Variants in ZNF608 observed in about 807,000 individuals in gnomAD.
ZNF608 encodes the protein renal carcinoma antigen NY-REN-36.
Under a neutral mutation model 109.0 loss-of-function variants are expected in ZNF608, and 12 were observed. That is an observed-to-expected ratio of 0.11 (90% CI 0.07 to 0.18). The LOEUF is 0.18. Ranked by LOEUF, ZNF608 falls within the 10% of genes least tolerant of loss-of-function variation. ZNF608 has a pLI of 1.00. For missense variants in ZNF608, 1,707 were observed against 1,879.3 expected (o/e 0.91, Z 1.70); for synonymous variants, 732 against 717.4 (o/e 1.02, Z -0.33).
Position 124,644,561 on chromosome 5 carries a change from T to C in ZNF608, c.3806A>G (p.Asp1269Gly), listed in dbSNP as rs757526100. 6.2e-7 allele frequency: 1 copy of C among 1,614,082 alleles called. No homozygotes were observed. Among genetic ancestry groups the C allele is most frequent in the Non-Finnish European group, 8.5e-7 (1 of 1,180,014 alleles). The change falls in exon 6 of 10, where the codon GAT becomes GGT. Residue 1269 changes from aspartate to glycine, a missense_variant. By Grantham distance (94) the Asp-to-Gly change is moderately conservative. This residue lies in a region of ZNF608 where 1,073 missense variants were observed against 1,133.5 expected (regional missense o/e 0.95). Coordinates refer to ENST00000513986, the MANE Select transcript of ZNF608 (RefSeq NM_020747.3). ...TTTATTAGGAGTTTTCCTCGGACTATCCTCTTTTAATTTCTTCTCTCTATC... is the reference window on the plus strand; with the variant it reads ...TTTATTAGGAGTTTTCCTCGGACTACCCTCTTTTAATTTCTTCTCTCTATC... ...ELDREKKLKE[D>G]SPRKTPNKES...
At position 124,648,929 on chromosome 5, in the gene ZNF608, A is replaced by G. The variant is rs754108487; in HGVS notation, c.1455T>C (p.Cys485=). 1.2e-6 allele frequency: 2 copies of G among 1,613,930 alleles called. No individual in the cohort carries two copies. Among genetic ancestry groups the G allele is most frequent in the Middle Eastern group, 1.6e-4 (1 of 6,082 alleles). Residue 485 remains cysteine (C), a synonymous_variant, in exon 5 of 10, where the codon TGT becomes TGC. Transcript: ENST00000513986. ...NASGRRTPPN[C]AAEDIKASPS... ...GGCTGGCTTTGATATCCTCAGCAGCACAATTTGGGGGTGTCCTTCGTCCGC... is the reference window on the plus strand; with the variant it reads ...GGCTGGCTTTGATATCCTCAGCAGCGCAATTTGGGGGTGTCCTTCGTCCGC...
intron 2 of ZNF608, among the ~76,000 whole-genome samples, chr5:124,734,214 G>C (rs762198308): frequency 6.6e-6 from 1 of 152,088 alleles, no homozygotes; most frequent in African/African-American, 2.4e-5. Flanking sequence ...AGTAAATTTC[G>C]CCGTTTACAT....
At chr5:124,697,782 T>C (rs574357504) in intron 3 of ZNF608, among the ~76,000 whole-genome samples, 107 of 152,350 alleles carry the variant, frequency 7.0e-4, no homozygotes, top group Non-Finnish European at 1.2e-3. Context: ...GGGATCCTCC[T>C]AGTCCAGTCT....
Position 124,745,180 on chromosome 5 carries a change from G to A in ZNF608, c.-183-8C>T, listed in dbSNP as rs925943364. 8.0e-6 allele frequency: 6 copies of A among 753,368 alleles called. No individual in the cohort carries two copies. The African/African-American group carries it at 8.9e-5, about 11-fold the overall frequency. The allele number at this position is 753,368 out of a possible 1,614,324, so 46.7% of individuals were successfully genotyped here. On this transcript the variant is annotated splice_polypyrimidine_tract_variant and splice_region_variant and intron_variant, in intron 1 of 9. Transcript: ENST00000513986. ...GTCCAGGTCCACCTTTTCCTGTGAA[G>A]GGGGGGGGAAAAGTCGAATATTTCT... is the stretch of plus-strand genomic sequence containing the variant.
At chr5:124,651,375 TTC>T (rs760344538) in intron 3 of ZNF608, among the ~76,000 whole-genome samples, 3 of 152,158 alleles carry the variant, frequency 2.0e-5, no homozygotes, top group Non-Finnish European at 2.9e-5. Flanking sequence ...TCTCATCATC[TTC>T]TCTCTGGGGC....
Position 124,648,261 on chromosome 5 carries a change from T to C in ZNF608, c.2123A>G (p.Lys708Arg), listed in dbSNP as rs141500782. ...PKLEAEGLID[K>R]KNLGDKEKGK... ...CTTTTCTTTATCTCCTAAATTTTTC[T>C]TGTCAATTAATCCTTCTGCTTCCAG... The change falls in exon 5 of 10, where the codon AAG becomes AGG. Residue 708 changes from lysine (K) to arginine (R), a missense_variant. Physicochemically the swap from Lys to Arg is conservative, Grantham distance 26. Around this residue, in one of 7 missense-constraint regions of ZNF608, gnomAD observed 1,073 missense variants for 1,133.5 expected, o/e 0.95. Coordinates refer to ENST00000513986, the MANE Select transcript of ZNF608 (RefSeq NM_020747.3). 9.2e-5 allele frequency: 149 copies of C among 1,614,240 alleles called. 1 individual carries two copies. The highest frequency in any genetic ancestry group is 3.3e-4 in the Middle Eastern group (2 of 6,062).
rs1014982452 is a variant in ZNF608 at position 124,693,917 on chromosome 5, C to T, written c.1162+7097G>A. On this transcript the variant is annotated intron_variant, in intron 3 of 9. Transcript: ENST00000513986. Reference sequence around the variant, plus strand: ...ATTGTACGCCTATGTGAAGACCTGTCTTCCATTTTTTTTTACCTTCTGTAT... The same window carrying T: ...ATTGTACGCCTATGTGAAGACCTGTTTTCCATTTTTTTTTACCTTCTGTAT... Among the ~76,000 whole-genome samples the T allele has an allele frequency of 2.9e-5, 4 of 138,140 alleles. No homozygotes were observed. In the Admixed American group the frequency reaches 3.0e-4, roughly 10 times the overall value. The allele number at this position is 138,140 out of a possible 152,430, so 90.6% of individuals were successfully genotyped here.
intron 2 of ZNF608, among the ~76,000 whole-genome samples, chr5:124,728,694 T>C (rs1407587871): frequency 6.6e-6 from 1 of 152,212 alleles, no homozygotes; most frequent in Non-Finnish European, 1.5e-5. Context: ...ATTTAGCTCA[T>C]TCTCTATAGT....
Position 124,644,468 on chromosome 5 carries a change from T to G in ZNF608, c.3899A>C (p.His1300Pro), listed in dbSNP as rs150674069. ...CTCCTCCATTGATTGAGAATCAGGA[T>G]GCTTGGCCTCTTTGGGCTCCTCTTT... is the stretch of plus-strand genomic sequence containing the variant. The part of the protein sequence containing the change: ...SIKEEPKEAK[H>P]PDSQSMEESK... The change falls in exon 6 of 10, where the codon CAT (histidine) becomes CCT (proline). Residue 1300 changes from histidine (H) to proline (P), a missense_variant. His to Pro is a moderately conservative substitution (Grantham distance 77). Coordinates refer to ENST00000513986, the MANE Select transcript of ZNF608 (RefSeq NM_020747.3). 3 of 1,614,182 alleles carry G rather than the reference T, an allele frequency of 1.9e-6. No homozygotes were observed. The African/African-American group carries it at 4.0e-5, about 22-fold the overall frequency.
intron 2 of ZNF608, among the ~76,000 whole-genome samples, chr5:124,736,990 A>C (rs1402752002): frequency 6.6e-6 from 1 of 152,204 alleles, no homozygotes; most frequent in Non-Finnish European, 1.5e-5. Context: ...AAGGCAGTAA[A>C]ATTGCTACCA....
At chr5:124,664,638 G>A (rs1353278327) in intron 3 of ZNF608, among the ~76,000 whole-genome samples, 1 of 152,148 alleles carries the variant, frequency 6.6e-6, no homozygotes, top group Non-Finnish European at 1.5e-5. Context: ...GTAACTCTTG[G>A]AAAGCTTAAC....
chr5:124,700,284 G>A (rs1156942484), intron 3 of ZNF608, among the ~76,000 whole-genome samples: 1 of 152,206 alleles, frequency 6.6e-6, no homozygotes, highest in African/African-American at 2.4e-5. Flanking sequence ...TGGTGGTCAT[G>A]TGCTATGAGA....
intron 3 of ZNF608, among the ~76,000 whole-genome samples, chr5:124,678,030 A>G (rs1237166146): frequency 6.6e-6 from 1 of 152,208 alleles, no homozygotes; most frequent in Non-Finnish European, 1.5e-5. Flanking sequence ...AATGGATCAA[A>G]TAAAGCCTTA....
intron 2 of ZNF608, among the ~76,000 whole-genome samples, chr5:124,716,829 T>C (rs1468116022): frequency 6.6e-6 from 1 of 152,206 alleles, no homozygotes; most frequent in Non-Finnish European, 1.5e-5. Flanking sequence ...ACGCCTGTAA[T>C]TCCAGCAGTT....
chr5:124,696,187 GAA>G (rs570623715), intron 3 of ZNF608, among the ~76,000 whole-genome samples: 1 of 122,542 alleles, frequency 8.2e-6, no homozygotes. Context: ...TCCGTCTCAA[GAA>G]AAAAAAAAAA....
intron 3 of ZNF608, among the ~76,000 whole-genome samples, chr5:124,691,714 T>A (rs1752638441): frequency 6.6e-6 from 1 of 152,316 alleles, no homozygotes; most frequent in African/African-American, 2.4e-5. Flanking sequence ...TCAAGTGAAA[T>A]GAGCCAGTCA....
intron 3 of ZNF608, among the ~76,000 whole-genome samples, chr5:124,682,000 A>G (rs1752217376): frequency 6.6e-6 from 1 of 152,270 alleles, no homozygotes. Flanking sequence ...GAGGGTAGAC[A>G]GAAGACATTT....
Position 124,731,447 on chromosome 5 carries a change from G to A in ZNF608, c.906+12637C>T, listed in dbSNP as rs555372067. Among the ~76,000 whole-genome samples, 333 of 151,534 alleles carry A rather than the reference G, an allele frequency of 2.2e-3. 1 individual carries two copies. The highest frequency in any genetic ancestry group is 7.6e-3 in the African/African-American group (314 of 41,388). ...AGGCTGGTCTCGAACTCCTGACCTC[G>A]TGATCCGCCCACCTCAGCCTTCCAA... On this transcript the variant is annotated intron_variant, in intron 2 of 9. Coordinates refer to ENST00000513986, the MANE Select transcript of ZNF608 (RefSeq NM_020747.3).
rs989571418 is a variant in ZNF608, at chr5:124,649,054, C to G, written c.1330G>C (p.Ala444Pro). The change falls in exon 5 of 10, where the codon GCC becomes CCC. Residue 444 changes from alanine (A) to proline (P), a missense_variant. This residue lies in a region of ZNF608 where 166 missense variants were observed against 204.2 expected (regional missense o/e 0.81). Coordinates refer to ENST00000513986, the MANE Select transcript of ZNF608 (RefSeq NM_020747.3). The stretch of plus-strand genomic sequence containing the variant: ...GTGAAGCTGGCCTCGGAGCCCGGGG[C>G]AGCAGCAGCAGACCTCGCTCTCTTC... ...RGKRARSAAA[A>P]PGSEASFTES... 6.2e-7 allele frequency: 1 copy of G among 1,612,768 alleles called. No homozygotes were observed. Among genetic ancestry groups the G allele is most frequent in the Non-Finnish European group, 8.5e-7 (1 of 1,179,158 alleles).
Sources: allele counts gnomAD v4.1 joint callset (sites outside exome capture counted in the v4.1 genomes callset), GRCh38; gene constraint gnomAD v4.1.1; regional missense constraint gnomAD v4.1.1; transcripts MANE v1.5; gene names NCBI Gene and HGNC (gene_info 2026-07-23, HGNC 2026-07-21).